Variants in RBBP8 observed in about 807,000 individuals in gnomAD.
RBBP8 encodes the protein DNA endonuclease RBBP8.
A neutral mutation model predicts 108.3 loss-of-function variants in RBBP8; 88 were observed. That is an observed-to-expected ratio of 0.81 (90% confidence interval 0.68 to 0.97). The LOEUF is 0.97. RBBP8 is among the 50% of genes least tolerant of loss of function. RBBP8 has a pLI of 0.00. For synonymous variants in RBBP8, 332 were observed against 348.2 expected (o/e 0.95, Z 0.52); for missense variants, 1,023 against 1,049.0 (o/e 0.98, Z 0.34).
chr18:23,010,847 C>G (rs573317527), intron 16 of RBBP8, among the ~76,000 whole-genome samples: 1 of 152,086 alleles, frequency 6.6e-6, no homozygotes, highest in Non-Finnish European at 1.5e-5. Context: ...GGACAAGAAG[C>G]TTGTTTAAGT....
intron 4 of RBBP8, among the ~76,000 whole-genome samples, chr18:22,950,263 G>T (rs896049642): frequency 6.6e-6 from 1 of 152,080 alleles, no homozygotes; most frequent in Non-Finnish European, 1.5e-5. Context: ...TGCTATTTAG[G>T]ACCTATAAAC....
intron 7 of RBBP8, 141 bp downstream of exon 7, chr18:22,982,534 T>A: frequency 6.6e-7 from 1 of 1,504,726 alleles, no homozygotes; most frequent in Non-Finnish European, 8.9e-7. Context: ...TAACTTCTAT[T>A]TGTAAAGTGA....
intron 10 of RBBP8, among the ~76,000 whole-genome samples, chr18:22,991,297 C>T (rs909915496): frequency 6.6e-6 from 1 of 152,186 alleles, no homozygotes; most frequent in Non-Finnish European, 1.5e-5. Flanking sequence ...GTTCCCAGTA[C>T]TTGTCACTCT....
At chr18:23,006,784 G>T (rs2046057063) in intron 16 of RBBP8, among the ~76,000 whole-genome samples, 1 of 152,018 alleles carries the variant, frequency 6.6e-6, no homozygotes, top group African/African-American at 2.4e-5. Flanking sequence ...TTACAGGCTT[G>T]AGCCACCACA....
chr18:22,972,919 G>A (rs1375057218), intron 5 of RBBP8, among the ~76,000 whole-genome samples: 1 of 152,172 alleles, frequency 6.6e-6, no homozygotes, highest in Non-Finnish European at 1.5e-5. Context: ...TCTAATGACT[G>A]AAAATGGGAG....
intron 2 of RBBP8, among the ~76,000 whole-genome samples, chr18:22,943,129 A>G (rs1260429155): frequency 1.3e-5 from 2 of 152,042 alleles, no homozygotes; most frequent in East Asian, 1.9e-4. Context: ...ACAAATTAAC[A>G]GTGAAAGGAA....
intron 2 of RBBP8, among the ~76,000 whole-genome samples, chr18:22,915,816 A>C (rs1909334313): frequency 6.6e-6 from 1 of 152,044 alleles, no homozygotes; most frequent in Admixed American, 6.6e-5. Flanking sequence ...TTTATTGAGC[A>C]TTTTTTATGT....
At chr18:22,999,756 G>A (rs2045916451) in intron 14 of RBBP8, among the ~76,000 whole-genome samples, 1 of 152,042 alleles carries the variant, frequency 6.6e-6, no homozygotes, top group Non-Finnish European at 1.5e-5. Context: ...TTTCAATTCA[G>A]AAAATTTTCA....
At chr18:22,928,672 TTTC>T (rs1249938398), upstream of RBBP8, among the ~76,000 whole-genome samples, 7 of 144,748 alleles carry the variant, frequency 4.8e-5, no homozygotes, top group African/African-American at 2.8e-5. Flanking sequence ...ATAGCCTTTT[TTTC>T]TTTTTTTTTT....
At chr18:22,958,164 C>T (rs925809102) in intron 4 of RBBP8, among the ~76,000 whole-genome samples, 2 of 152,120 alleles carry the variant, frequency 1.3e-5, no homozygotes, top group African/African-American at 2.4e-5. Context: ...ATCTTCTTTT[C>T]TATTACCAGA....
intron 4 of RBBP8, among the ~76,000 whole-genome samples, chr18:22,967,115 C>T (rs1244731911): frequency 6.6e-6 from 1 of 151,996 alleles, no homozygotes; most frequent in Non-Finnish European, 1.5e-5. Flanking sequence ...GCCTGTAATC[C>T]CAGCACTTTG....
chr18:22,927,774 G>A (rs1320796770), intron 3 of RBBP8, among the ~76,000 whole-genome samples: 2 of 151,888 alleles, frequency 1.3e-5, no homozygotes, highest in African/African-American at 4.8e-5. Context: ...GTGGCTCTGT[G>A]GGATAGTTCT....
chr18:23,005,975 A>G (rs1453185781), intron 15 of RBBP8, among the ~76,000 whole-genome samples: 1 of 151,916 alleles, frequency 6.6e-6, no homozygotes, highest in East Asian at 2.0e-4. Flanking sequence ...TCATGAGGTC[A>G]GGAGATTGAG....
At chr18:22,962,408 T>G (rs1913181238) in intron 4 of RBBP8, among the ~76,000 whole-genome samples, 2 of 152,204 alleles carry the variant, frequency 1.3e-5, no homozygotes, top group African/African-American at 4.8e-5. Flanking sequence ...TCTCATCATT[T>G]ACATCTCCTC....
chr18:22,933,011 C>T (rs1910133897), upstream of RBBP8, among the ~76,000 whole-genome samples: 1 of 152,220 alleles, frequency 6.6e-6, no homozygotes, highest in Non-Finnish European at 1.5e-5. Context: ...ACTCTTCATT[C>T]GGTACAGGTC....
At chr18:22,984,827 G>C (rs770580331) in intron 7 of RBBP8, 59 bp from the exon 8 acceptor site, 1 of 965,316 alleles carries the variant, frequency 1.0e-6, no homozygotes, top group Non-Finnish European at 1.6e-6. Context: ...AAAATAATTT[G>C]ATAATGCTTT....
chr18:22,992,689 G>C (rs1915779672), intron 10 of RBBP8, 59 bp from the exon 11 acceptor site: 1 of 1,445,864 alleles, frequency 6.9e-7, no homozygotes, highest in Non-Finnish European at 9.6e-7. Flanking sequence ...GCTTCTAAGA[G>C]GTAGATAAGA....
At chr18:22,964,908 T>C (rs1913439042) in intron 4 of RBBP8, among the ~76,000 whole-genome samples, 1 of 152,156 alleles carries the variant, frequency 6.6e-6, no homozygotes, top group African/African-American at 2.4e-5. Flanking sequence ...ATATAGTATG[T>C]CCTCACTTAA....
rs905383258 is a variant in RBBP8 at position 22,991,039 on chromosome 18, G to A, written c.910G>A (p.Asp304Asn). ...TGAGGAATCTACAAGAAATACTGAA[G>A]ATAGTTTAAGGTAATTAAGGGCACG... The part of the protein sequence containing the change: ...PFEESTRNTE[D>N]SLRFSDSTSK... The change falls in exon 10 of 19, where the codon GAT becomes AAT. Residue 304 changes from aspartate (D) to asparagine (N), a missense_variant. Physicochemically the swap from Asp to Asn is conservative, Grantham distance 23. Transcript: ENST00000327155. 4 of 1,609,598 alleles carry A rather than the reference G, an allele frequency of 2.5e-6. No individual in the cohort carries two copies. Among genetic ancestry groups the A allele is most frequent in the Admixed American group, 3.3e-5 (2 of 59,988 alleles).
Sources: allele counts gnomAD v4.1 joint callset (sites outside exome capture counted in the v4.1 genomes callset), GRCh38; gene constraint gnomAD v4.1.1; transcripts MANE v1.5; gene names NCBI Gene and HGNC (gene_info 2026-07-23, HGNC 2026-07-21).